Variants in AGBL3 observed in about 807,000 individuals in gnomAD.
The protein encoded by AGBL3 is AGBL carboxypeptidase 3, also known as cytosolic carboxypeptidase 3.
In AGBL3, 68 loss-of-function variants were observed where a neutral mutation model predicts 94.5. The observed-to-expected ratio is 0.72, with a 90% CI of 0.59 to 0.88. AGBL3 has a LOEUF of 0.88. Ranked by LOEUF, AGBL3 falls within the 40% of genes least tolerant of loss-of-function variation. The pLI is 0.00. For synonymous variants in AGBL3, 354 were observed against 370.7 expected, an observed-to-expected ratio of 0.95 and a Z score of 0.52; for missense variants, 934 against 1,103.8, an observed-to-expected ratio of 0.85 and a Z score of 2.18.
chr7:135,047,936 T>G (rs186887047), intron 11 of AGBL3, among the ~76,000 whole-genome samples: 8 of 152,052 alleles, frequency 5.3e-5, no homozygotes, highest in African/African-American at 1.9e-4. Context: ...CTATGAAATC[T>G]TTGCAGAGAT....
At chr7:135,124,730 C>G (rs1049757181) in intron 16 of AGBL3, among the ~76,000 whole-genome samples, 1 of 152,140 alleles carries the variant, frequency 6.6e-6, no homozygotes, top group African/African-American at 2.4e-5. Context: ...AATTACAACT[C>G]AGGATTAAAA....
chr7:135,081,329 C>A (rs1251784063), intron 14 of AGBL3, among the ~76,000 whole-genome samples: 3 of 152,102 alleles, frequency 2.0e-5, no homozygotes, highest in Non-Finnish European at 2.9e-5. Context: ...TTTTAAATTA[C>A]AGTATATTAT....
intron 5 of AGBL3, among the ~76,000 whole-genome samples, chr7:135,030,169 A>G (rs1365375924): frequency 6.6e-6 from 1 of 151,292 alleles, no homozygotes; most frequent in African/African-American, 2.5e-5. Flanking sequence ...AAAAAAAAAA[A>G]AAAAAAAGAA....
At chr7:135,054,912 C>G (rs1190741733) in intron 11 of AGBL3, among the ~76,000 whole-genome samples, 1 of 152,150 alleles carries the variant, frequency 6.6e-6, no homozygotes, top group Non-Finnish European at 1.5e-5. Flanking sequence ...GTTTATTTAG[C>G]TCATAGTTTT....
chr7:135,091,977 AT>A (rs1821920083), intron 15 of AGBL3, among the ~76,000 whole-genome samples: 1 of 152,238 alleles, frequency 6.6e-6, no homozygotes, highest in Non-Finnish European at 1.5e-5. Context: ...TTCTTAAAGA[AT>A]TTAATCTTTA....
intron 11 of AGBL3, chr7:135,051,121 A>T (rs1474887913): frequency 2.5e-6 from 1 of 395,104 alleles, no homozygotes; most frequent in Non-Finnish European, 4.9e-6. Context: ...GTTGGAAGAA[A>T]GAATGTACTA....
intron 16 of AGBL3, chr7:135,129,115 T>C: frequency 1.9e-6 from 3 of 1,555,016 alleles, no homozygotes; most frequent in African/African-American, 1.4e-5. Flanking sequence ...AAAGAGCTAG[T>C]GGAAGCAGAG....
intron 15 of AGBL3, among the ~76,000 whole-genome samples, chr7:135,087,218 C>G (rs531063927): frequency 6.6e-6 from 1 of 151,362 alleles, no homozygotes; most frequent in African/African-American, 2.4e-5. Flanking sequence ...TTATTTGGGT[C>G]TTTTCTTTTT....
chr7:135,010,572 T>C (rs1441542074), intron 4 of AGBL3: 1 of 152,506 alleles, frequency 6.6e-6, no homozygotes, highest in Non-Finnish European at 1.5e-5. Flanking sequence ...AATGTCCTGA[T>C]CTTGATGGTT....
At chr7:135,127,193 C>CAAAAAGTG (rs942364705) in intron 16 of AGBL3, among the ~76,000 whole-genome samples, 6 of 151,670 alleles carry the variant, frequency 4.0e-5, no homozygotes, top group African/African-American at 1.4e-4. Context: ...ACAACCCCAT[C>CAAAAAGTG]AAAAAGTGGG....
intron 5 of AGBL3, among the ~76,000 whole-genome samples, chr7:135,025,559 A>C (rs936483302): frequency 2.0e-5 from 3 of 151,616 alleles, no homozygotes; most frequent in African/African-American, 7.2e-5. Context: ...CCAGCTAATA[A>C]CATGATGACA....
At chr7:135,057,223 C>G (rs991981004) in intron 11 of AGBL3, among the ~76,000 whole-genome samples, 5 of 152,066 alleles carry the variant, frequency 3.3e-5, no homozygotes, top group African/African-American at 1.2e-4. Context: ...GAACTAGAAG[C>G]AACTTTACAC....
At chr7:135,006,271 C>T (rs1249698062) in intron 4 of AGBL3, among the ~76,000 whole-genome samples, 1 of 151,740 alleles carries the variant, frequency 6.6e-6, no homozygotes, top group Non-Finnish European at 1.5e-5. Context: ...TCATCTTTTA[C>T]CCCTCATTGA....
chr7:134,988,355 G>A (rs933784157), intron 2 of AGBL3: 2 of 192,288 alleles, frequency 1.0e-5, no homozygotes, highest in Non-Finnish European at 2.1e-5. Context: ...ATGAATCATA[G>A]TAGAACCACC....
At position 135,076,315 on chromosome 7, in the gene AGBL3, A is replaced by G. The variant is rs141416503; in HGVS notation, c.1909-82A>G. On this transcript the variant is annotated intron_variant, in intron 12 of 16. Transcript: ENST00000436302. ...ACTTCTCATCTTCTTAGAAGTGGGA[A>G]TCTCGAAACAATTTCATGTCTGCAT... The G allele has an allele frequency of 8.4e-5, 90 of 1,074,502 alleles. No individual in the cohort carries two copies. In the African/African-American group the frequency reaches 1.3e-3, roughly 16 times the overall value. The allele number at this position is 1,074,502 out of a possible 1,614,324, so 66.6% of individuals were successfully genotyped here.
chr7:135,008,369 C>T (rs946993694), intron 4 of AGBL3, among the ~76,000 whole-genome samples: 1 of 152,064 alleles, frequency 6.6e-6, no homozygotes, highest in Non-Finnish European at 1.5e-5. Context: ...GATGGCAAGA[C>T]TATTCAATAG....
At position 134,986,533 on chromosome 7, in the gene AGBL3, T is replaced by G. The variant is rs1809447459; in HGVS notation, c.-228T>G. On this transcript the variant is annotated 5_prime_UTR_variant, in exon 1 of 17. Transcript: ENST00000436302. Reference sequence around the variant, plus strand: ...GTTGCCTGATGACGAGAGTTGGGAGTGTGGCTGGGGCTGCGGATCTCCAGC... The same window carrying G: ...GTTGCCTGATGACGAGAGTTGGGAGGGTGGCTGGGGCTGCGGATCTCCAGC... 6.6e-6 allele frequency: 1 copy of G among 152,112 alleles called. No homozygotes were observed. The highest frequency in any genetic ancestry group is 6.6e-5 in the Admixed American group (1 of 15,262). The allele number at this position is 152,112 out of a possible 1,614,324, so 9.4% of individuals were successfully genotyped here.
At chr7:135,126,693 G>C (rs770298709) in intron 16 of AGBL3, among the ~76,000 whole-genome samples, 3 of 151,776 alleles carry the variant, frequency 2.0e-5, no homozygotes, top group Non-Finnish European at 4.4e-5. Context: ...GCAACAGAAC[G>C]GAGACCTCAG....
chr7:135,013,169 T>C (rs543202085), intron 4 of AGBL3, among the ~76,000 whole-genome samples: 102 of 152,252 alleles, frequency 6.7e-4, no homozygotes, highest in African/African-American at 2.4e-3. Context: ...TATGAAAACA[T>C]TTTTCAACAT....
Sources: allele counts gnomAD v4.1 joint callset (sites outside exome capture counted in the v4.1 genomes callset), GRCh38; gene constraint gnomAD v4.1.1; transcripts MANE v1.5; gene names NCBI Gene and HGNC (gene_info 2026-07-23, HGNC 2026-07-21).